Variants in LGR6 observed in about 807,000 individuals in gnomAD.
The protein encoded by LGR6 is leucine rich repeat containing G protein-coupled receptor 6, also known as leucine-rich repeat-containing G protein-coupled receptor 6.
A neutral mutation model predicts 69.4 loss-of-function variants in LGR6; 45 were observed. The ratio of observed to expected loss-of-function variants is 0.65; its 90% CI spans 0.51 to 0.83. The LOEUF is 0.83. Ranked by LOEUF, LGR6 falls within the 40% of genes least tolerant of loss-of-function variation. The pLI is 0.00. For missense variants in LGR6, 1,108 were observed against 1,246.7 expected, an observed-to-expected ratio of 0.89 and a Z score of 1.68; for synonymous variants, 538 against 555.0, an observed-to-expected ratio of 0.97 and a Z score of 0.43.
intron 6 of LGR6, among the ~76,000 whole-genome samples, chr1:202,282,548 G>A (rs1167765823): frequency 6.6e-6 from 1 of 152,204 alleles, no homozygotes; most frequent in Non-Finnish European, 1.5e-5. Context: ...TCCCTCAGGA[G>A]ATATAAGAGC....
At position 202,303,746 on chromosome 1, in the gene LGR6, G is replaced by T. The variant is rs191595296; in HGVS notation, c.998+399G>T. On this transcript the variant is annotated intron_variant, in intron 10 of 17. Coordinates refer to ENST00000367278, the MANE Select transcript of LGR6 (RefSeq NM_001017403.2). ...TATTATTATCTCCTGTGGCATAGAG[G>T]GCAGGAGTGCCGACGCATAGTAGGC... Among the ~76,000 whole-genome samples, 126 of 152,220 alleles carry T rather than the reference G, an allele frequency of 8.3e-4. 1 individual carries two copies. Among genetic ancestry groups the T allele is most frequent in the African/African-American group, 2.9e-3 (121 of 41,538 alleles).
chr1:202,231,806 T>C (rs773776660), intron 3 of LGR6, among the ~76,000 whole-genome samples: 9 of 152,208 alleles, frequency 5.9e-5, no homozygotes, highest in Non-Finnish European at 1.3e-4. Context: ...CAAAAGCATT[T>C]TGTGGGCTGG....
intron 15 of LGR6, among the ~76,000 whole-genome samples, chr1:202,309,670 A>G (rs748172677): frequency 6.6e-6 from 1 of 152,250 alleles, no homozygotes; most frequent in South Asian, 2.1e-4. Context: ...TCTGCTGCAC[A>G]CTAATGAGAT....
chr1:202,234,576 T>C (rs1247979093), intron 3 of LGR6, among the ~76,000 whole-genome samples: 3 of 152,178 alleles, frequency 2.0e-5, no homozygotes, highest in Admixed American at 2.0e-4. Flanking sequence ...GTGTAATGGT[T>C]AAGTGTCTAG....
intron 4 of LGR6, among the ~76,000 whole-genome samples, chr1:202,237,629 A>C (rs927688337): frequency 2.0e-5 from 3 of 152,134 alleles, no homozygotes; most frequent in African/African-American, 7.2e-5. Context: ...TTTTCCCTAC[A>C]CTTTCTGGGA....
At chr1:202,292,004 G>A (rs917956763) in intron 6 of LGR6, among the ~76,000 whole-genome samples, 5 of 152,334 alleles carry the variant, frequency 3.3e-5, no homozygotes, top group African/African-American at 1.2e-4. Flanking sequence ...TTCAAAGGAT[G>A]ACTAGGATTT....
At chr1:202,247,317 AC>A (rs982939702) in intron 4 of LGR6, among the ~76,000 whole-genome samples, 3 of 151,996 alleles carry the variant, frequency 2.0e-5, no homozygotes, top group Admixed American at 6.6e-5. Flanking sequence ...CCATCCCTCC[AC>A]CCCCCAGGGG....
chr1:202,276,552 G>T, intron 5 of LGR6, 31 bp downstream of exon 5: 1 of 1,557,642 alleles, frequency 6.4e-7, no homozygotes, highest in Non-Finnish European at 8.8e-7. Flanking sequence ...CATCCCCAGT[G>T]GGGTCCTGCT....
At chr1:202,301,875 C>T (rs956445711) in intron 9 of LGR6, among the ~76,000 whole-genome samples, 3 of 152,014 alleles carry the variant, frequency 2.0e-5, no homozygotes, top group African/African-American at 4.8e-5. Flanking sequence ...AAAAAGTAGC[C>T]GGGCGTGGTG....
chr1:202,260,929 TC>T (rs1253855084), intron 4 of LGR6, among the ~76,000 whole-genome samples: 4 of 152,198 alleles, frequency 2.6e-5, no homozygotes, highest in Non-Finnish European at 5.9e-5. Context: ...GCATATTTTT[TC>T]TTTATGAATG....
chr1:202,319,297 A>C lies in LGR6; in HGVS notation c.*90A>C. 7.3e-7 allele frequency: 1 copy of C among 1,362,354 alleles called. No homozygotes were observed. 84.4% of individuals were successfully genotyped at this position (1,362,354 alleles called of 1,614,324 possible). On this transcript the variant is annotated 3_prime_UTR_variant, in exon 18 of 18. Transcript: ENST00000367278. ...GCTGCTTCTAAAACAAATACAACCA[A>C]AACTCAGCAGTGTGATCTATAGCAG...
At chr1:202,277,941 G>A (rs1267923745) in intron 5 of LGR6, among the ~76,000 whole-genome samples, 3 of 151,800 alleles carry the variant, frequency 2.0e-5, no homozygotes, top group Non-Finnish European at 4.4e-5. Context: ...ACATGGAGGG[G>A]AGAGTAAGCG....
At chr1:202,254,771 C>G (rs1277142781) in intron 4 of LGR6, among the ~76,000 whole-genome samples, 1 of 151,936 alleles carries the variant, frequency 6.6e-6, no homozygotes, top group Non-Finnish European at 1.5e-5. Flanking sequence ...AGGAGTTGAA[C>G]TGGTGGACGC....
rs1375303030 is a variant in LGR6 at position 202,318,495 on chromosome 1, G to A, written c.2192G>A (p.Gly731Asp). ...APPEGQPAALGFTVALVMMNS... is the reference protein window; with the variant it reads ...APPEGQPAALDFTVALVMMNS... ...CCTGAGGGTCAGCCAGCAGCCCTGG[G>A]CTTCACCGTGGCCCTGGTGATGATG... The change falls in exon 18 of 18, where the codon GGC (glycine) becomes GAC (aspartate). Residue 731 changes from glycine (G) to aspartate (D), a missense_variant. By Grantham distance (94) the Gly-to-Asp change is moderately conservative. Transcript: ENST00000367278. The A allele has an allele frequency of 1.9e-6, 3 of 1,613,822 alleles. No homozygotes were observed. Among genetic ancestry groups the A allele is most frequent in the African/African-American group, 2.7e-5 (2 of 74,946 alleles).
intron 1 of LGR6, chr1:202,194,706 G>GGGGC (rs1658570259): frequency 4.7e-6 from 1 of 210,910 alleles, no homozygotes; most frequent in South Asian, 3.0e-5. Context: ...TCGTGGGGGC[G>GGGGC]GGGGGGGCGG....
chr1:202,232,766 A>T (rs1661195621), intron 3 of LGR6, among the ~76,000 whole-genome samples: 1 of 152,222 alleles, frequency 6.6e-6, no homozygotes, highest in African/African-American at 2.4e-5. Context: ...CTAGAAAAAG[A>T]AGTAGGAAAA....
chr1:202,264,541 G>T (rs930402869), intron 4 of LGR6, among the ~76,000 whole-genome samples: 1 of 152,182 alleles, frequency 6.6e-6, no homozygotes, highest in South Asian at 2.1e-4. Context: ...CACGAAGGTC[G>T]CCAGAAACCA....
At chr1:202,301,509 T>C (rs952181247) in intron 9 of LGR6, among the ~76,000 whole-genome samples, 3 of 152,240 alleles carry the variant, frequency 2.0e-5, no homozygotes, top group African/African-American at 7.2e-5. Flanking sequence ...GACTTTCATC[T>C]GGCCTCTTGG....
chr1:202,291,082 G>A (rs942989083), intron 6 of LGR6, among the ~76,000 whole-genome samples: 1 of 152,180 alleles, frequency 6.6e-6, no homozygotes, highest in Non-Finnish European at 1.5e-5. Context: ...TACTTTTACC[G>A]ATTGCATGGA....
Sources: allele counts gnomAD v4.1 joint callset (sites outside exome capture counted in the v4.1 genomes callset), GRCh38; gene constraint gnomAD v4.1.1; transcripts MANE v1.5; gene names NCBI Gene and HGNC (gene_info 2026-07-23, HGNC 2026-07-21).